Variants in NEGR1 observed in about 807,000 individuals in gnomAD.
NEGR1 encodes neuronal growth regulator 1, also known as IgLON family member 4.
NEGR1 carries 10 observed loss-of-function variants against 40.9 expected under a neutral mutation model. The observed-to-expected ratio is 0.24, with a 90% CI of 0.15 to 0.42. The LOEUF (loss-of-function observed/expected upper bound fraction) is 0.42. NEGR1 is among the 10% of genes least tolerant of loss of function. NEGR1 has a pLI of 1.00. For synonymous variants in NEGR1, 185 were observed against 166.8 expected, an observed-to-expected ratio of 1.11 and a Z score of -0.84; for missense variants, 352 against 438.9, an observed-to-expected ratio of 0.80 and a Z score of 1.77.
At chr1:72,145,119 A>T (rs11209920) in intron 1 of NEGR1, among the ~76,000 whole-genome samples, 62,981 of 151,688 alleles carry the variant, frequency 0.42, 14,266 homozygotes, top group Admixed American at 0.55. Context: ...GTGAGGTTTT[A>T]AAAAAATGTC....
intron 6 of NEGR1, among the ~76,000 whole-genome samples, chr1:71,495,591 T>C (rs1646957825): frequency 6.6e-6 from 1 of 152,060 alleles, no homozygotes; most frequent in Non-Finnish European, 1.5e-5. Flanking sequence ...GTATACTGAA[T>C]ATCACAAAAT....
intron 5 of NEGR1, 106 bp from the exon 6 acceptor site, chr1:71,593,074 C>T: frequency 1.5e-6 from 1 of 666,368 alleles, no homozygotes; most frequent in South Asian, 2.0e-5. Flanking sequence ...TTCAACTACG[C>T]TGACGTTAGC....
chr1:71,407,904 T>TGTACTG, intron 6 of NEGR1: 1 of 200,566 alleles, frequency 5.0e-6, no homozygotes, highest in South Asian at 1.0e-4. Context: ...ATTATTCCTC[T>TGTACTG]TATATGTACT....
At chr1:72,202,084 G>GT (rs1000842243) in intron 1 of NEGR1, among the ~76,000 whole-genome samples, 25 of 151,958 alleles carry the variant, frequency 1.6e-4, no homozygotes, top group African/African-American at 5.8e-4. Flanking sequence ...AATTCCTGCG[G>GT]TAAGTCAAAC....
chr1:71,644,850 C>A (rs1035526332), intron 4 of NEGR1, among the ~76,000 whole-genome samples: 2 of 151,852 alleles, frequency 1.3e-5, no homozygotes, highest in Non-Finnish European at 2.9e-5. Context: ...TATCCAGGGG[C>A]TTATTTCAAT....
chr1:72,182,433 C>A (rs1336601465), intron 1 of NEGR1, among the ~76,000 whole-genome samples: 1 of 152,004 alleles, frequency 6.6e-6, no homozygotes, highest in African/African-American at 2.4e-5. Flanking sequence ...GTGGAGGTTG[C>A]AGTGAGCCAA....
chr1:71,973,189 G>A (rs953187585), intron 1 of NEGR1, among the ~76,000 whole-genome samples: 1 of 151,978 alleles, frequency 6.6e-6, no homozygotes, highest in Admixed American at 6.6e-5. Flanking sequence ...GGTGGCGGGC[G>A]CCTGTAGTCC....
intron 2 of NEGR1, among the ~76,000 whole-genome samples, chr1:71,847,805 A>C (rs1379643463): frequency 1.3e-5 from 2 of 152,204 alleles, no homozygotes; most frequent in African/African-American, 4.8e-5. Flanking sequence ...AATCAGATTA[A>C]ATCACTTTAA....
intron 6 of NEGR1, among the ~76,000 whole-genome samples, chr1:71,588,397 C>G (rs1334002): frequency 0.89 from 136,133 of 152,128 alleles, 62,264 homozygotes; most frequent in Non-Finnish European, 1. Flanking sequence ...GTGATCTGCA[C>G]AATATTCTCT....
In NEGR1 at chr1:71,401,178, T is replaced by C. The variant is rs1434242935; in HGVS notation, c.*6268A>G. On this transcript the variant is annotated 3_prime_UTR_variant, in exon 7 of 7. Transcript: ENST00000357731. Reference sequence around the variant, plus strand: ...TTTTTCATTATATTTGAACTCTTTTTCAAGTTGTAAATAAATAATACTAAG... The same window carrying C: ...TTTTTCATTATATTTGAACTCTTTTCCAAGTTGTAAATAAATAATACTAAG... 2 of 152,136 alleles carry C rather than the reference T, an allele frequency of 1.3e-5. No individual in the cohort carries two copies. Among genetic ancestry groups the C allele is most frequent in the Admixed American group, 1.3e-4 (2 of 15,246 alleles). The allele number at this position is 152,136 out of a possible 1,614,324, so 9.4% of individuals were successfully genotyped here.
chr1:71,877,135 G>A lies in NEGR1; in HGVS notation c.409+57944C>T, dbSNP rs146674387. 2.2e-3 allele frequency among the ~76,000 whole-genome samples: 331 copies of A among 148,628 alleles called. 1 individual carries two copies. Among genetic ancestry groups the A allele is most frequent in the African/African-American group, 7.7e-3 (313 of 40,612 alleles). ...CATTCAAAGCAAAGGTAGGTAGCACGACAAAAACAAAACAAAACAAAAAAA... is the reference window on the plus strand; with the variant it reads ...CATTCAAAGCAAAGGTAGGTAGCACAACAAAAACAAAACAAAACAAAAAAA... On this transcript the variant is annotated intron_variant, in intron 2 of 6. Transcript: ENST00000357731.
At chr1:71,564,827 T>C (rs1014794417) in intron 6 of NEGR1, among the ~76,000 whole-genome samples, 12 of 152,108 alleles carry the variant, frequency 7.9e-5, no homozygotes, top group Non-Finnish European at 1.6e-4. Context: ...TATAAAAAGA[T>C]TTAGAGATAA....
intron 2 of NEGR1, among the ~76,000 whole-genome samples, chr1:71,924,643 G>T (rs1645755400): frequency 6.6e-6 from 1 of 152,266 alleles, no homozygotes; most frequent in Non-Finnish European, 1.5e-5. Flanking sequence ...GTTTGGGTTT[G>T]GCATTAGAAA....
intron 1 of NEGR1, among the ~76,000 whole-genome samples, chr1:72,267,185 C>T (rs977312795): frequency 9.3e-5 from 14 of 150,992 alleles, no homozygotes; most frequent in African/African-American, 3.1e-4. Context: ...GGTAACCAAT[C>T]GGAATCAGTT....
intron 2 of NEGR1, among the ~76,000 whole-genome samples, chr1:71,827,172 T>G (rs1570401201): frequency 6.6e-6 from 1 of 151,606 alleles, no homozygotes; most frequent in African/African-American, 2.4e-5. Flanking sequence ...AAGGAGCTTT[T>G]TTTTCTATTC....
intron 1 of NEGR1, among the ~76,000 whole-genome samples, chr1:72,006,268 C>T (rs1434574940): frequency 1.3e-5 from 2 of 152,174 alleles, no homozygotes; most frequent in Non-Finnish European, 2.9e-5. Flanking sequence ...TGTCAGCCCC[C>T]AAGAATGTGT....
chr1:71,846,787 G>C (rs1432836703), intron 2 of NEGR1, among the ~76,000 whole-genome samples: 1 of 152,136 alleles, frequency 6.6e-6, no homozygotes, highest in Non-Finnish European at 1.5e-5. Context: ...CATCCTCACA[G>C]TGCGGAAGAG....
At chr1:72,067,905 C>A (rs1360702900) in intron 1 of NEGR1, among the ~76,000 whole-genome samples, 10 of 151,946 alleles carry the variant, frequency 6.6e-5, no homozygotes, top group Admixed American at 6.6e-4. Flanking sequence ...TGGAATGTAC[C>A]AAAATATTAT....
chr1:71,845,993 G>A (rs540356672), intron 2 of NEGR1, among the ~76,000 whole-genome samples: 7 of 144,228 alleles, frequency 4.9e-5, no homozygotes, highest in African/African-American at 1.5e-4. Flanking sequence ...CAAACTCCTA[G>A]GCTTAAGCTA....
Sources: allele counts gnomAD v4.1 joint callset (sites outside exome capture counted in the v4.1 genomes callset), GRCh38; gene constraint gnomAD v4.1.1; transcripts MANE v1.5; gene names NCBI Gene and HGNC (gene_info 2026-07-23, HGNC 2026-07-21).